ERG: variants seen among roughly 807,000 people sequenced by gnomAD.
The protein encoded by ERG is ETS transcription factor ERG, also known as transcriptional regulator ERG.
In ERG, 9 loss-of-function variants were observed where a neutral mutation model predicts 55.3. The ratio of observed to expected loss-of-function variants is 0.16; its 90% confidence interval spans 0.10 to 0.28. The LOEUF (loss-of-function observed/expected upper bound fraction) is 0.28. Among genes scored for constraint, ERG ranks in the 10% least tolerant of loss-of-function variants. The probability of loss-of-function intolerance (pLI) is 1.00; values close to 1 mark genes in which losing one functional copy is unlikely to be tolerated. For missense variants in ERG, 434 were observed against 631.6 expected (o/e 0.69, Z 3.35); for synonymous variants, 223 against 237.3 (o/e 0.94, Z 0.55).
intron 2 of ERG, among the ~76,000 whole-genome samples, chr21:38,435,812 T>C (rs542829276): frequency 1.3e-5 from 2 of 152,302 alleles, no homozygotes; most frequent in South Asian, 4.1e-4. Flanking sequence ...GAAAACAAAA[T>C]GTTCTGTAGC....
At chr21:38,587,422 G>A (rs944074365), upstream of ERG, among the ~76,000 whole-genome samples, 3 of 150,538 alleles carry the variant, frequency 2.0e-5, no homozygotes, top group Admixed American at 6.6e-5. Flanking sequence ...GCAGTGGCAC[G>A]ATCTTGGCTC....
At chr21:38,513,895 A>C (rs2059532700) in intron 2 of ERG, among the ~76,000 whole-genome samples, 4 of 152,142 alleles carry the variant, frequency 2.6e-5, no homozygotes, top group African/African-American at 9.6e-5. Flanking sequence ...TGGTGATTAC[A>C]GAGAGAAAAG....
intron 2 of ERG, among the ~76,000 whole-genome samples, chr21:38,569,853 A>C (rs1482243328): frequency 6.6e-6 from 1 of 152,126 alleles, no homozygotes; most frequent in Non-Finnish European, 1.5e-5. Flanking sequence ...TATTGTATGT[A>C]ATCTGTGACT....
At chr21:38,496,128 G>C (rs2059377229) in intron 1 of ERG, among the ~76,000 whole-genome samples, 1 of 152,182 alleles carries the variant, frequency 6.6e-6, no homozygotes, top group East Asian at 1.9e-4. Flanking sequence ...ATGATGGTAA[G>C]AATCACAAAG....
Position 38,383,213 on chromosome 21 carries a change from C to A in ERG, c.*190G>T, listed in dbSNP as rs1169711013. 7.7e-7 allele frequency: 1 copy of A among 1,294,810 alleles called. No individual in the cohort carries two copies. The highest frequency in any genetic ancestry group is 1.5e-5 in the African/African-American group (1 of 67,228). The allele number at this position is 1,294,810 out of a possible 1,614,324, so 80.2% of individuals were successfully genotyped here. On this transcript the variant is annotated 3_prime_UTR_variant, in exon 10 of 10. Transcript: ENST00000288319. The surrounding 1 kb of genome is among the most constrained non-coding windows in gnomAD (Gnocchi z 5.7). ...ATATTCGTGACATTTTTAGCATCCT[C>A]CTCATTTCTGTAGTAAGACTTCAGT...
intron 1 of ERG, among the ~76,000 whole-genome samples, chr21:38,623,758 G>A (rs919615836): frequency 3.3e-5 from 5 of 152,114 alleles, no homozygotes; most frequent in African/African-American, 1.2e-4. Context: ...GCCCAGCAGG[G>A]GTCGAACTTA....
At chr21:38,639,862 C>G (rs1480013244) in intron 1 of ERG, among the ~76,000 whole-genome samples, 3 of 152,160 alleles carry the variant, frequency 2.0e-5, no homozygotes, top group Non-Finnish European at 2.9e-5. Context: ...ACAGGATAAC[C>G]TGGAGACAGG....
At chr21:38,635,459 C>G (rs1321220231) in intron 1 of ERG, among the ~76,000 whole-genome samples, 1 of 151,660 alleles carries the variant, frequency 6.6e-6, no homozygotes, top group Non-Finnish European at 1.5e-5. Flanking sequence ...TCTGAGATAC[C>G]AAAAAACACC....
intron 2 of ERG, among the ~76,000 whole-genome samples, chr21:38,510,717 A>G (rs766118816): frequency 6.6e-6 from 1 of 152,222 alleles, no homozygotes; most frequent in Non-Finnish European, 1.5e-5. Context: ...CATTCTTAAT[A>G]ACTCAAAACT....
intron 2 of ERG, among the ~76,000 whole-genome samples, chr21:38,439,136 C>T (rs1256997793): frequency 1.3e-5 from 2 of 152,156 alleles, no homozygotes; most frequent in African/African-American, 4.8e-5. Context: ...CAGTGAGCCT[C>T]CAGGTGGGCT....
At chr21:38,423,662 G>A in intron 2 of ERG, 101 bp from the exon 3 acceptor site, 1 of 1,263,012 alleles carries the variant, frequency 7.9e-7, no homozygotes, top group Non-Finnish European at 1.1e-6. Context: ...GGGCAAGGCG[G>A]AAGAGACTGG....
chr21:38,464,724 C>T (rs188016701), intron 1 of ERG, among the ~76,000 whole-genome samples: 1 of 151,902 alleles, frequency 6.6e-6, no homozygotes, highest in Admixed American at 6.6e-5. Context: ...TACCCTCCTA[C>T]CCCCCGAGAG....
chr21:38,466,911 C>G (rs1206184377), intron 1 of ERG, among the ~76,000 whole-genome samples: 7 of 152,130 alleles, frequency 4.6e-5, no homozygotes, highest in Non-Finnish European at 7.3e-5. Flanking sequence ...ACATCTTTCA[C>G]CTGGCGTAAG....
chr21:38,440,609 T>G (rs1037161695), intron 2 of ERG, among the ~76,000 whole-genome samples: 1 of 151,738 alleles, frequency 6.6e-6, no homozygotes, highest in Non-Finnish European at 1.5e-5. Context: ...TCACCTGAGG[T>G]AAGGAGTTCG....
At chr21:38,386,102 T>C (rs1987679322) in intron 9 of ERG, among the ~76,000 whole-genome samples, 1 of 152,238 alleles carries the variant, frequency 6.6e-6, no homozygotes, top group African/African-American at 2.4e-5. Context: ...AGTGATCTCA[T>C]GTCTCTCCTA....
intron 2 of ERG, chr21:38,575,629 C>T: frequency 6.5e-7 from 1 of 1,550,162 alleles, no homozygotes; most frequent in African/African-American, 1.4e-5. Context: ...CAGAGGAAGG[C>T]AGAGCTGGCT....
intron 1 of ERG, among the ~76,000 whole-genome samples, chr21:38,622,093 G>A (rs1443115660): frequency 6.6e-6 from 1 of 152,228 alleles, no homozygotes; most frequent in Non-Finnish European, 1.5e-5. Context: ...GAGGAAAGGT[G>A]ACCACGTGCT....
chr21:38,634,434 G>A (rs886358889), intron 1 of ERG, among the ~76,000 whole-genome samples: 1 of 152,176 alleles, frequency 6.6e-6, no homozygotes, highest in Non-Finnish European at 1.5e-5. Context: ...CTGTCCCTGG[G>A]AATATGCAGG....
chr21:38,501,032 T>A (rs2836446), upstream of ERG, among the ~76,000 whole-genome samples: 128,658 of 148,234 alleles, frequency 0.87, 55,897 homozygotes, highest in Middle Eastern at 0.94. Flanking sequence ...TTTAAAAAAA[T>A]CTTTGGCTCT....
Sources: allele counts gnomAD v4.1 joint callset (sites outside exome capture counted in the v4.1 genomes callset), GRCh38; gene constraint gnomAD v4.1.1; non-coding constraint Gnocchi (gnomAD v3.1); transcripts MANE v1.5; gene names NCBI Gene and HGNC (gene_info 2026-07-23, HGNC 2026-07-21).